The following GFM1 variants were observed in gnomAD, a reference collection of about 807,000 sequenced individuals.
The protein encoded by GFM1 is elongation factor G, mitochondrial.
Under a neutral mutation model 96.2 loss-of-function variants are expected in GFM1, and 62 were observed. The ratio of observed to expected loss-of-function variants is 0.64; its 90% CI spans 0.53 to 0.80. The LOEUF is 0.80. GFM1 is among the 30% of genes least tolerant of loss of function. The probability of loss-of-function intolerance (pLI) is 0.00; values close to 1 mark genes in which losing one functional copy is unlikely to be tolerated. For missense variants in GFM1, 852 were observed against 916.6 expected (o/e 0.93, Z 0.91); for synonymous variants, 282 against 312.9 (o/e 0.90, Z 1.04).
intron 5 of GFM1, among the ~76,000 whole-genome samples, chr3:158,651,858 C>T (rs1722321156): frequency 6.6e-6 from 1 of 151,984 alleles, no homozygotes; most frequent in Non-Finnish European, 1.5e-5. Flanking sequence ...ACTGTTTTAG[C>T]TCTTCCGGTT....
At chr3:158,652,353 T>G in intron 6 of GFM1, 107 bp downstream of exon 6, 1 of 928,872 alleles carries the variant, frequency 1.1e-6, no homozygotes, top group Non-Finnish European at 1.7e-6. Flanking sequence ...TAATGAAATC[T>G]CAATACATTT....
intron 4 of GFM1, among the ~76,000 whole-genome samples, chr3:158,648,745 C>G (rs1418170268): frequency 6.6e-6 from 1 of 151,514 alleles, no homozygotes; most frequent in African/African-American, 2.4e-5. Context: ...CTGGCTAGCC[C>G]TCCATTATCT....
chr3:158,690,425 TG>T (rs1560146985), intron 16 of GFM1, 102 bp downstream of exon 16: 2 of 1,146,552 alleles, frequency 1.7e-6, no homozygotes, highest in Non-Finnish European at 2.6e-6. Context: ...TTGCTGAATT[TG>T]TGGCTTTATA....
intron 13 of GFM1, chr3:158,672,589 C>T (rs866535647): frequency 3.0e-6 from 4 of 1,346,950 alleles, no homozygotes; most frequent in Non-Finnish European, 4.1e-6. Flanking sequence ...GCGGAAAAGT[C>T]GCAAGCTCCT....
Position 158,666,384 on chromosome 3 carries a change from C to A in GFM1, c.1599C>A (p.Val533=), listed in dbSNP as rs754926909. 1 of 1,611,928 alleles carries A rather than the reference C, an allele frequency of 6.2e-7. No homozygotes were observed. Among genetic ancestry groups the A allele is most frequent in the South Asian group, 1.1e-5 (1 of 91,024 alleles). The change falls in exon 13 of 18, where the codon GTC becomes GTA. Residue 533 remains valine (V), a splice_region_variant and synonymous_variant. Transcript: ENST00000486715. The part of the protein sequence containing the change: ...VAFRETITAP[V]PFDFTHKKQS... ...TTCGAGAGACCATTACTGCCCCTGTCCCGTAAGTATGCAACGTAATTAAAC... is the reference window on the plus strand; with the variant it reads ...TTCGAGAGACCATTACTGCCCCTGTACCGTAAGTATGCAACGTAATTAAAC...
At chr3:158,670,403 T>C (rs1724162919) in intron 13 of GFM1, among the ~76,000 whole-genome samples, 1 of 152,194 alleles carries the variant, frequency 6.6e-6, no homozygotes, top group Non-Finnish European at 1.5e-5. Flanking sequence ...GGGAATAAAT[T>C]ACTTCACTCA....
rs866193694 is a variant in GFM1 at position 158,655,760 on chromosome 3, A to G, written c.1083+1129A>G. The stretch of plus-strand genomic sequence containing the variant: ...TCACAACTAATGGGCCAATACTGAT[A>G]TATTATTATTAACTAAAATCCTTAC... On this transcript the variant is annotated intron_variant, in intron 8 of 17. Transcript: ENST00000486715. The G allele has an allele frequency of 1.8e-5, 8 of 444,716 alleles. 1 individual carries two copies. In the Middle Eastern group the frequency reaches 2.7e-3, roughly 149 times the overall value. 27.5% of individuals were successfully genotyped at this position (444,716 alleles called of 1,614,324 possible).
At chr3:158,664,307 G>A (rs1723433121) in intron 11 of GFM1, among the ~76,000 whole-genome samples, 1 of 152,218 alleles carries the variant, frequency 6.6e-6, no homozygotes, top group Admixed American at 6.5e-5. Flanking sequence ...GCTGATAGCT[G>A]TTCTCAAAGG....
At chr3:158,652,396 T>C (rs1456027288) in intron 6 of GFM1, 150 bp downstream of exon 6, 1 of 694,128 alleles carries the variant, frequency 1.4e-6, no homozygotes, top group South Asian at 1.8e-5. Flanking sequence ...AAAAAATACT[T>C]GACATGGTAT....
chr3:158,668,305 A>G (rs966961915), intron 13 of GFM1, among the ~76,000 whole-genome samples: 1 of 152,204 alleles, frequency 6.6e-6, no homozygotes. Context: ...TGTTATATAA[A>G]TAGTTGTTAT....
At chr3:158,675,285 C>CA (rs1172885215) in intron 13 of GFM1, among the ~76,000 whole-genome samples, 529 of 52,572 alleles carry the variant, frequency 0.01, 21 homozygotes, top group East Asian at 0.014. Flanking sequence ...GACTCCATCT[C>CA]AAAAAAAAAA....
intron 13 of GFM1, among the ~76,000 whole-genome samples, chr3:158,679,510 C>T (rs1725187532): frequency 6.6e-6 from 1 of 152,142 alleles, no homozygotes; most frequent in South Asian, 2.1e-4. Context: ...AAATTAATAG[C>T]AATACAGCAT....
intron 15 of GFM1, among the ~76,000 whole-genome samples, chr3:158,687,810 A>G (rs778774185): frequency 1.3e-5 from 2 of 152,224 alleles, no homozygotes; most frequent in Non-Finnish European, 1.5e-5. Flanking sequence ...TAAAACTTTT[A>G]GAAAACATTA....
intron 13 of GFM1, among the ~76,000 whole-genome samples, chr3:158,670,237 T>G (rs989821874): frequency 3.9e-5 from 6 of 152,226 alleles, no homozygotes; most frequent in African/African-American, 9.6e-5. Context: ...TGTATAATCT[T>G]TAAAATTTCC....
At chr3:158,674,003 A>G (rs778142663) in intron 13 of GFM1, among the ~76,000 whole-genome samples, 7 of 151,700 alleles carry the variant, frequency 4.6e-5, no homozygotes, top group Non-Finnish European at 7.4e-5. Flanking sequence ...TCTTGTATCA[A>G]ATGTCAATGA....
At chr3:158,654,658 T>C in intron 8 of GFM1, 27 bp downstream of exon 8, 1 of 1,354,330 alleles carries the variant, frequency 7.4e-7, no homozygotes, top group South Asian at 1.2e-5. Context: ...TGTATTTAAC[T>C]GCTATCTGTA....
intron 10 of GFM1, among the ~76,000 whole-genome samples, chr3:158,661,184 CA>C (rs1409488719): frequency 4.6e-5 from 7 of 152,070 alleles, no homozygotes; most frequent in Non-Finnish European, 4.4e-5. Flanking sequence ...CCTGGTTTTT[CA>C]TAGTAAAAAG....
chr3:158,644,570 G>A lies in GFM1; in HGVS notation c.-65G>A, dbSNP rs1212689126. ...GCCGGCGTGACTTTGACCGCTTCCC[G>A]GTGCGTTACCGGCAGCTGAACCCAC... is the stretch of plus-strand genomic sequence containing the variant. On this transcript the variant is annotated 5_prime_UTR_variant, in exon 1 of 18. Transcript: ENST00000486715. 8.1e-6 allele frequency: 11 copies of A among 1,357,780 alleles called. No individual in the cohort carries two copies. Among genetic ancestry groups the A allele is most frequent in the African/African-American group, 4.4e-5 (3 of 68,244 alleles). The allele number at this position is 1,357,780 out of a possible 1,614,324, so 84.1% of individuals were successfully genotyped here.
chr3:158,649,414 G>A, intron 5 of GFM1: 1 of 328,040 alleles, frequency 3.0e-6, no homozygotes, highest in South Asian at 3.2e-5. Context: ...GTAGAAGGAG[G>A]CCTTCAGTTT....
Sources: allele counts gnomAD v4.1 joint callset (sites outside exome capture counted in the v4.1 genomes callset), GRCh38; gene constraint gnomAD v4.1.1; transcripts MANE v1.5; gene names NCBI Gene and HGNC (gene_info 2026-07-23, HGNC 2026-07-21).